ERC2: variants seen among roughly 807,000 people sequenced by gnomAD.
ERC2 encodes the protein ERC protein 2.
Under a neutral mutation model 114.8 loss-of-function variants are expected in ERC2, and 42 were observed. The observed-to-expected ratio is 0.37, with a 90% CI of 0.29 to 0.47. The LOEUF is 0.47. Among genes scored for constraint, ERC2 ranks in the 20% least tolerant of loss-of-function variants. ERC2 has a pLI of 0.99. For synonymous variants in ERC2, 454 were observed against 425.5 expected (o/e 1.07, Z -0.82); for missense variants, 939 against 1,150.7 (o/e 0.82, Z 2.66).
At chr3:56,467,166 T>G (rs770656687) in intron 1 of ERC2, 1 of 152,170 alleles carries the variant, frequency 6.6e-6, no homozygotes, top group Non-Finnish European at 1.5e-5. Flanking sequence ...TTAAGTAAAA[T>G]CACTGATTTA....
chr3:55,868,476 A>G (rs965912865), intron 14 of ERC2, among the ~76,000 whole-genome samples: 2 of 152,200 alleles, frequency 1.3e-5, no homozygotes, highest in Admixed American at 1.3e-4. Flanking sequence ...CATAATTCAG[A>G]CAGCTCACAA....
chr3:56,102,687 C>T (rs12495163), intron 6 of ERC2, among the ~76,000 whole-genome samples: 2 of 152,182 alleles, frequency 1.3e-5, no homozygotes, highest in African/African-American at 4.8e-5. Flanking sequence ...TTATGCTCTT[C>T]TAAACTACAA....
chr3:55,699,746 C>T (rs1024098056), intron 15 of ERC2, among the ~76,000 whole-genome samples: 4 of 152,118 alleles, frequency 2.6e-5, no homozygotes, highest in African/African-American at 9.7e-5. Context: ...AATGTACTTC[C>T]TTCTTGTGAT....
chr3:55,855,956 G>A (rs926287959), intron 14 of ERC2, among the ~76,000 whole-genome samples: 3 of 152,184 alleles, frequency 2.0e-5, no homozygotes, highest in Admixed American at 1.3e-4. Context: ...CCTCCAGGCT[G>A]CAGCAGTCCA....
chr3:56,158,535 T>A (rs2081865946), intron 4 of ERC2, among the ~76,000 whole-genome samples: 1 of 152,176 alleles, frequency 6.6e-6, no homozygotes, highest in South Asian at 2.1e-4. Context: ...GATTCCTTGA[T>A]CCTCTATTAT....
chr3:56,403,576 A>G lies in ERC2; in HGVS notation c.657+30775T>C, dbSNP rs140524608. On this transcript the variant is annotated intron_variant, in intron 2 of 17. Transcript: ENST00000288221. ...ACCGGCAGTATCGGCATCATCTAAA[A>G]ACTTCTTAGAAATAAAGAATCCCAG... is the stretch of plus-strand genomic sequence containing the variant. Among the ~76,000 whole-genome samples, 33 of 152,300 alleles carry G rather than the reference A, an allele frequency of 2.2e-4. No individual in the cohort carries two copies. In the East Asian group the frequency reaches 6.4e-3, roughly 29 times the overall value.
At chr3:56,196,496 T>C (rs1014543215) in intron 3 of ERC2, among the ~76,000 whole-genome samples, 189 of 147,278 alleles carry the variant, frequency 1.3e-3, no homozygotes, top group Non-Finnish European at 2.1e-3. Flanking sequence ...TTGCCTTCTT[T>C]TTTTTTTTTT....
At chr3:56,214,299 G>A (rs1156887900) in intron 3 of ERC2, among the ~76,000 whole-genome samples, 2 of 151,816 alleles carry the variant, frequency 1.3e-5, no homozygotes, top group Non-Finnish European at 2.9e-5. Flanking sequence ...AGCCCTTAAA[G>A]GACCTGATGG....
intron 5 of ERC2, among the ~76,000 whole-genome samples, chr3:56,139,884 G>C (rs1476537409): frequency 1.3e-5 from 2 of 152,116 alleles, no homozygotes; most frequent in South Asian, 2.1e-4. Flanking sequence ...GAGAGTATAG[G>C]AAATAGGAAT....
chr3:56,396,702 T>C (rs1560745497), intron 2 of ERC2, among the ~76,000 whole-genome samples: 1 of 150,638 alleles, frequency 6.6e-6, no homozygotes, highest in Non-Finnish European at 1.5e-5. Context: ...TTGTTTTTGT[T>C]TTTGTTTTTA....
intron 3 of ERC2, among the ~76,000 whole-genome samples, chr3:56,188,823 G>A (rs964397233): frequency 2.0e-5 from 3 of 152,132 alleles, no homozygotes; most frequent in Non-Finnish European, 4.4e-5. Context: ...CCTCCGTGAC[G>A]CAGCTCTGAT....
intron 14 of ERC2, among the ~76,000 whole-genome samples, chr3:55,833,546 G>A (rs899187498): frequency 6.6e-6 from 1 of 152,166 alleles, no homozygotes; most frequent in African/African-American, 2.4e-5. Flanking sequence ...CTCCTTTACA[G>A]ACAAGCAAAT....
At chr3:56,223,707 T>C (rs2050074723) in intron 3 of ERC2, among the ~76,000 whole-genome samples, 1 of 152,164 alleles carries the variant, frequency 6.6e-6, no homozygotes, top group Non-Finnish European at 1.5e-5. Context: ...AGTGACTAAT[T>C]AGGACCCAGC....
intron 16 of ERC2, among the ~76,000 whole-genome samples, chr3:55,691,544 CAAAAAAAAAAAAAAAAA>C (rs748917550): frequency 6.0e-5 from 4 of 67,018 alleles, no homozygotes; most frequent in East Asian, 9.8e-4. Flanking sequence ...ATTTGCAATG[CAAAAAAAAAAAAAAAAA>C]AAAAAAAAAA....
At chr3:55,552,402 C>T (rs1424089590) in intron 17 of ERC2, among the ~76,000 whole-genome samples, 1 of 152,172 alleles carries the variant, frequency 6.6e-6, no homozygotes, top group Admixed American at 6.5e-5. Context: ...CTTTCTCCTC[C>T]TTCTCTTTTC....
chr3:55,833,980 C>CT (rs1488921532), intron 14 of ERC2, among the ~76,000 whole-genome samples: 37 of 151,174 alleles, frequency 2.4e-4, no homozygotes, highest in African/African-American at 8.0e-4. Context: ...ATAAAACAGA[C>CT]TTTAAACCAA....
chr3:55,873,929 A>G (rs2062706132), intron 14 of ERC2, among the ~76,000 whole-genome samples: 1 of 152,196 alleles, frequency 6.6e-6, no homozygotes, highest in East Asian at 1.9e-4. Flanking sequence ...TTAGACTGTT[A>G]ACTAGGTAGT....
chr3:55,927,406 G>GT (rs1033678415), intron 13 of ERC2, among the ~76,000 whole-genome samples: 1 of 151,858 alleles, frequency 6.6e-6, no homozygotes, highest in African/African-American at 2.4e-5. Flanking sequence ...CCATCCTTTT[G>GT]TTTTTTTGCT....
chr3:55,768,287 T>C (rs2067958330), intron 14 of ERC2, among the ~76,000 whole-genome samples: 1 of 152,176 alleles, frequency 6.6e-6, no homozygotes, highest in Non-Finnish European at 1.5e-5. Flanking sequence ...AATCAGAACA[T>C]CAATCCTGGA....
Sources: gnomAD v4.1 joint callset for allele counts (sites outside exome capture counted in the v4.1 genomes callset) on GRCh38, gnomAD v4.1.1 for gene constraint, MANE v1.5 for transcripts, NCBI Gene and HGNC (gene_info 2026-07-23, HGNC 2026-07-21) for gene names.